The following GGNBP2 variants were observed in gnomAD, a reference collection of about 807,000 sequenced individuals.
GGNBP2 encodes gametogenetin-binding protein 2.
A neutral mutation model predicts 85.9 loss-of-function variants in GGNBP2; 10 were observed. That is an observed-to-expected ratio of 0.12 (90% CI 0.07 to 0.20). GGNBP2 has a LOEUF of 0.20. Ranked by LOEUF, GGNBP2 falls within the 10% of genes least tolerant of loss-of-function variation. The pLI is 1.00. For missense variants in GGNBP2, 595 were observed against 857.8 expected (o/e 0.69, Z 3.83); for synonymous variants, 287 against 285.7 (o/e 1.00, Z -0.05).
chr17:36,558,415 A>C (rs1472981292), intron 4 of GGNBP2, among the ~76,000 whole-genome samples: 1 of 102,250 alleles, frequency 9.8e-6, no homozygotes, highest in Non-Finnish European at 1.9e-5. Flanking sequence ...GCTCCATCTC[A>C]AAAAAAAAAA....
Position 36,557,285 on chromosome 17 carries a change from G to C in GGNBP2, c.377G>C (p.Arg126Thr). 6.2e-7 allele frequency: 1 copy of C among 1,613,930 alleles called. No individual in the cohort carries two copies. The highest frequency in any genetic ancestry group is 8.5e-7 in the Non-Finnish European group (1 of 1,179,834). ...CCCAAGGGAGTCCTGTCTGTAACTA[G>C]AAGCTGCATGACTGATGCAAAGAAG... Reference protein sequence around the residue: ...VGPKGVLSVTRSCMTDAKKLY... With the variant: ...VGPKGVLSVTTSCMTDAKKLY... Residue 126 changes from arginine to threonine, a missense_variant, in exon 4 of 14, where the codon AGA becomes ACA. Arg to Thr is a moderately conservative substitution (Grantham distance 71). Around this residue, in one of 9 missense-constraint regions of GGNBP2, gnomAD observed 216 missense variants for 293.4 expected, o/e 0.74. Transcript: ENST00000613102.
intron 2 of GGNBP2, among the ~76,000 whole-genome samples, chr17:36,552,230 A>G (rs528831424): frequency 4.5e-4 from 69 of 152,224 alleles, no homozygotes; most frequent in Non-Finnish European, 8.1e-4. Context: ...CTTGACAGTT[A>G]AATTTTTGTG....
Position 36,575,642 on chromosome 17 carries a change from ATATATATTT to A in GGNBP2, c.642-2339_642-2331del, listed in dbSNP as rs1414949827. Among the ~76,000 whole-genome samples the A allele has an allele frequency of 5.2e-4, 27 of 51,602 alleles. No individual in the cohort carries two copies. In the East Asian group the frequency reaches 0.015, roughly 30 times the overall value. The allele number at this position is 51,602 out of a possible 152,430, so 33.9% of individuals were successfully genotyped here. A position where few individuals can be genotyped will look rare whatever the true frequency, so the allele number is the denominator to read the frequency against. ...TATATATATATATATATATATATAT[ATATATATTT>A]TTTTTTTTTTTTGAGATGGAGTTTC... On this transcript the variant is annotated intron_variant, in intron 6 of 13. Coordinates refer to ENST00000613102, the MANE Select transcript of GGNBP2 (RefSeq NM_024835.5).
intron 5 of GGNBP2, among the ~76,000 whole-genome samples, chr17:36,564,734 A>G (rs1419734005): frequency 2.0e-5 from 3 of 152,016 alleles, no homozygotes; most frequent in African/African-American, 4.8e-5. Context: ...CATTTTATGT[A>G]TTTCCACTCC....
chr17:36,561,241 A>G lies in GGNBP2; in HGVS notation c.527+370A>G, dbSNP rs576917086. 2.6e-5 allele frequency among the ~76,000 whole-genome samples: 4 copies of G among 152,026 alleles called. No homozygotes were observed. The East Asian group carries it at 5.8e-4, about 22-fold the overall frequency. On this transcript the variant is annotated intron_variant, in intron 5 of 13. Transcript: ENST00000613102. ...CTGGTTCAAATGATTCTCCTGCCTCAGCTTCCTGAGTAGCTGGGACTACAG... is the reference window on the plus strand; with the variant it reads ...CTGGTTCAAATGATTCTCCTGCCTCGGCTTCCTGAGTAGCTGGGACTACAG...
chr17:36,574,860 A>C, intron 6 of GGNBP2: 3 of 709,254 alleles, frequency 4.2e-6, no homozygotes, highest in Middle Eastern at 6.9e-4. Flanking sequence ...GGGACAATAG[A>C]GAGCTTGGCC....
chr17:36,577,893 G>A (rs752669760), intron 6 of GGNBP2, 90 bp from the exon 7 acceptor site: 8 of 952,774 alleles, frequency 8.4e-6, no homozygotes, highest in Non-Finnish European at 1.3e-5. Flanking sequence ...CTGTAGATGG[G>A]AGAGAGTGCC....
intron 1 of GGNBP2, 27 bp from the exon 2 acceptor site, chr17:36,545,592 T>TA (rs2074243693): frequency 3.0e-6 from 2 of 670,414 alleles, no homozygotes; most frequent in Non-Finnish European, 2.6e-6. Context: ...GGCGGGTGCT[T>TA]ACGCTCGCGG....
At chr17:36,557,856 GT>G (rs2142708881) in intron 4 of GGNBP2, among the ~76,000 whole-genome samples, 2 of 150,372 alleles carry the variant, frequency 1.3e-5, no homozygotes, top group South Asian at 4.2e-4. Context: ...GCTCACGCCT[GT>G]AATCCCAGCA....
intron 5 of GGNBP2, 113 bp from the exon 6 acceptor site, chr17:36,567,550 G>A (rs1599524380): frequency 3.2e-6 from 2 of 625,770 alleles, no homozygotes; most frequent in Non-Finnish European, 5.8e-6. Context: ...CATTATGGAC[G>A]TTTCCAGGGA....
At chr17:36,548,760 G>C (rs866821839) in intron 2 of GGNBP2, among the ~76,000 whole-genome samples, 17 of 151,340 alleles carry the variant, frequency 1.1e-4, no homozygotes, top group Non-Finnish European at 1.9e-4. Flanking sequence ...CCTGGGCAAT[G>C]TGGTAAAAAC....
chr17:36,584,297 C>T (rs182734529), intron 9 of GGNBP2, among the ~76,000 whole-genome samples: 21 of 152,292 alleles, frequency 1.4e-4, no homozygotes, highest in Non-Finnish European at 2.2e-4. Context: ...TTCCTTGAGA[C>T]AGCTGCAATA....
At chr17:36,548,981 T>C (rs1319245071) in intron 2 of GGNBP2, among the ~76,000 whole-genome samples, 2 of 152,128 alleles carry the variant, frequency 1.3e-5, no homozygotes. Flanking sequence ...TGTGATATGT[T>C]GTGTCCATGT....
At chr17:36,578,837 C>G (rs2074617067) in intron 7 of GGNBP2, 1 of 159,500 alleles carries the variant, frequency 6.3e-6, no homozygotes, top group South Asian at 1.8e-4. Flanking sequence ...GGACTCTTGC[C>G]CATGATGAAT....
chr17:36,568,763 T>C lies in GGNBP2; in HGVS notation c.641+987T>C, dbSNP rs145920978. Among the ~76,000 whole-genome samples, 357 of 149,240 alleles carry C rather than the reference T, an allele frequency of 2.4e-3. 4 individuals are homozygous for C. The highest frequency in any genetic ancestry group is 8.3e-3 in the African/African-American group (340 of 41,132). ...CACTACTTTTACAAAGGAATTTTCTTTTTTTTTTTTTGAGACGAAGTCTCG... is the reference window on the plus strand; with the variant it reads ...CACTACTTTTACAAAGGAATTTTCTCTTTTTTTTTTTGAGACGAAGTCTCG... On this transcript the variant is annotated intron_variant, in intron 6 of 13. Coordinates refer to ENST00000613102, the MANE Select transcript of GGNBP2 (RefSeq NM_024835.5).
intron 2 of GGNBP2, among the ~76,000 whole-genome samples, chr17:36,548,603 A>C (rs1423032738): frequency 7.9e-6 from 1 of 126,658 alleles, no homozygotes; most frequent in Non-Finnish European, 1.6e-5. Flanking sequence ...CAACAAGAGC[A>C]AGACTCTGTC....
chr17:36,563,069 C>T (rs570219180), intron 5 of GGNBP2, among the ~76,000 whole-genome samples: 9 of 151,004 alleles, frequency 6.0e-5, no homozygotes, highest in Non-Finnish European at 7.4e-5. Flanking sequence ...GGTTCGAGAC[C>T]GGCCTGGCCA....
At chr17:36,561,593 A>G (rs1432240086) in intron 5 of GGNBP2, among the ~76,000 whole-genome samples, 1 of 152,112 alleles carries the variant, frequency 6.6e-6, no homozygotes, top group African/African-American at 2.4e-5. Context: ...TTATGACAAT[A>G]TGTATTTATG....
At chr17:36,577,206 TAAAG>T in intron 6 of GGNBP2, 1 of 152,334 alleles carries the variant, frequency 6.6e-6, no homozygotes, top group East Asian at 1.9e-4. Context: ...AATTCAAAGA[TAAAG>T]AAACCAGGCT....
Sources: allele counts gnomAD v4.1 joint callset (sites outside exome capture counted in the v4.1 genomes callset), GRCh38; gene constraint gnomAD v4.1.1; regional missense constraint gnomAD v4.1.1; transcripts MANE v1.5; gene names NCBI Gene and HGNC (gene_info 2026-07-23, HGNC 2026-07-21).